Variants in CFAP52 observed in about 807,000 individuals in gnomAD.
The protein encoded by CFAP52 is cilia- and flagella-associated protein 52.
In CFAP52, 57 loss-of-function variants were observed where a neutral mutation model predicts 70.5. That is an observed-to-expected ratio of 0.81 (90% CI 0.65 to 1.01). The LOEUF is 1.01. CFAP52 is among the 50% of genes least tolerant of loss of function. The probability of loss-of-function intolerance (pLI) is 0.00; values close to 1 mark genes in which losing one functional copy is unlikely to be tolerated. For synonymous variants in CFAP52, 267 were observed against 292.5 expected (o/e 0.91, Z 0.89); for missense variants, 785 against 788.5 (o/e 1.00, Z 0.05).
chr17:9,584,283 A>G, intron 1 of CFAP52: 1 of 1,287,446 alleles, frequency 7.8e-7, no homozygotes, highest in Non-Finnish European at 1.0e-6. Context: ...TGGAAGCAGT[A>G]GTGTTACCTT....
At chr17:9,616,270 C>T (rs1440661116) in intron 8 of CFAP52, among the ~76,000 whole-genome samples, 1 of 144,044 alleles carries the variant, frequency 6.9e-6, no homozygotes, top group Non-Finnish European at 1.5e-5. Context: ...CACTCCCACC[C>T]GAATATTGCG....
At chr17:9,577,506 A>T (rs1908016759) in intron 1 of CFAP52, among the ~76,000 whole-genome samples, 1 of 152,190 alleles carries the variant, frequency 6.6e-6, no homozygotes, top group Non-Finnish European at 1.5e-5. Context: ...AAAACAATGA[A>T]TTAGATTTTA....
intron 6 of CFAP52, among the ~76,000 whole-genome samples, chr17:9,606,613 C>A (rs1359886477): frequency 6.6e-6 from 1 of 152,160 alleles, no homozygotes; most frequent in East Asian, 1.9e-4. Flanking sequence ...AGATTTCAAC[C>A]CAGGCCGACT....
chr17:9,627,040 T>G (rs1170632102), intron 8 of CFAP52, among the ~76,000 whole-genome samples: 1 of 152,138 alleles, frequency 6.6e-6, no homozygotes, highest in East Asian at 1.9e-4. Flanking sequence ...TATTACTTCT[T>G]CTTATTATTT....
At chr17:9,631,580 G>A (rs76785413) in intron 9 of CFAP52, among the ~76,000 whole-genome samples, 2,476 of 152,172 alleles carry the variant, frequency 0.016, 73 homozygotes, top group African/African-American at 0.056. Flanking sequence ...TGGATTTGAG[G>A]AATAGCAAGA....
rs751937898 is a variant in CFAP52, at chr17:9,638,645, C to T, written c.1509C>T (p.Thr503=). The T allele has an allele frequency of 1.9e-5, 30 of 1,614,080 alleles. No homozygotes were observed. The highest frequency in any genetic ancestry group is 2.5e-5 in the Non-Finnish European group (29 of 1,180,040). Residue 503 remains threonine, a synonymous_variant, in exon 12 of 14, where the codon ACC becomes ACT. Coordinates refer to ENST00000352665, the MANE Select transcript of CFAP52 (RefSeq NM_145054.5). ...GGAATCAGATGATACTAGCCAACAC[C>T]TTATTCCAGTGTGTGTGCTATCACC... ...LRRNQMILAN[T]LFQCVCYHPE... is the part of the protein sequence containing the mutation.
intron 6 of CFAP52, among the ~76,000 whole-genome samples, chr17:9,606,081 G>A (rs555981961): frequency 6.6e-6 from 1 of 151,940 alleles, no homozygotes; most frequent in Non-Finnish European, 1.5e-5. Context: ...AAAAAAAATA[G>A]CCTAGTAAAA....
chr17:9,635,315 A>G (rs1910722523), intron 10 of CFAP52, 90 bp from the exon 11 acceptor site: 6 of 1,548,380 alleles, frequency 3.9e-6, no homozygotes, highest in Non-Finnish European at 4.4e-6. Context: ...CAAATCAAGC[A>G]TAGCAAAGGG....
At chr17:9,629,957 C>A (rs1284214993) in intron 9 of CFAP52, among the ~76,000 whole-genome samples, 1 of 151,914 alleles carries the variant, frequency 6.6e-6, no homozygotes, top group African/African-American at 2.4e-5. Flanking sequence ...CTGCGCATGT[C>A]TTCTCCACAT....
At chr17:9,641,335 G>A (rs1311956675) in intron 12 of CFAP52, among the ~76,000 whole-genome samples, 1 of 152,142 alleles carries the variant, frequency 6.6e-6, no homozygotes, top group Non-Finnish European at 1.5e-5. Flanking sequence ...TCTGGGGAGT[G>A]GGGAGTGCTC....
chr17:9,596,039 A>T (rs903551897), intron 4 of CFAP52, among the ~76,000 whole-genome samples: 2 of 134,072 alleles, frequency 1.5e-5, no homozygotes, highest in African/African-American at 5.4e-5. Flanking sequence ...ATGTATATGT[A>T]TGTAGATATA....
At chr17:9,645,490 T>G, downstream of CFAP52, 1 of 814,312 alleles carries the variant, frequency 1.2e-6, no homozygotes, top group Non-Finnish European at 1.6e-6. This position sits in a 1 kb window ranked among gnomAD's most constrained non-coding sequence, Gnocchi z 6.8. Flanking sequence ...TGCCCCGCCC[T>G]TGGCTCCGCC....
intron 8 of CFAP52, among the ~76,000 whole-genome samples, chr17:9,625,340 T>A (rs915631688): frequency 3.9e-5 from 6 of 152,170 alleles, no homozygotes; most frequent in African/African-American, 1.4e-4. Flanking sequence ...CATCTTATTC[T>A]TGTGGTTCTC....
chr17:9,585,218 C>G (rs993618322), intron 1 of CFAP52, among the ~76,000 whole-genome samples: 4 of 152,104 alleles, frequency 2.6e-5, no homozygotes, highest in African/African-American at 9.7e-5. Context: ...AATCTCAACC[C>G]CTTCTCAGAC....
intron 8 of CFAP52, among the ~76,000 whole-genome samples, chr17:9,622,841 C>T (rs1194644877): frequency 6.6e-6 from 1 of 152,126 alleles, no homozygotes; most frequent in African/African-American, 2.4e-5. Flanking sequence ...CCAATCACTA[C>T]CCTCACCCTC....
chr17:9,584,158 T>C, intron 1 of CFAP52: 2 of 1,193,762 alleles, frequency 1.7e-6, no homozygotes, highest in Non-Finnish European at 2.1e-6. Context: ...TTGGTCATTG[T>C]ATTTTCTTTT....
At chr17:9,586,638 C>G in intron 2 of CFAP52, 60 bp from the exon 3 acceptor site, 1 of 1,499,674 alleles carries the variant, frequency 6.7e-7, no homozygotes, top group Non-Finnish European at 8.9e-7. Context: ...AGAAGGGTAG[C>G]TATCTCCTCA....
intron 10 of CFAP52, among the ~76,000 whole-genome samples, chr17:9,634,896 T>C (rs766593871): frequency 6.6e-6 from 1 of 152,232 alleles, no homozygotes; most frequent in Non-Finnish European, 1.5e-5. Context: ...TCCAGGATAA[T>C]ACACAGGTAT....
At chr17:9,633,321 C>T (rs113468616) in intron 10 of CFAP52, among the ~76,000 whole-genome samples, 2,415 of 152,262 alleles carry the variant, frequency 0.016, 76 homozygotes, top group African/African-American at 0.055. Flanking sequence ...TCTCCTGCCT[C>T]AGCCTCCTGA....
Sources: gnomAD v4.1 joint callset for allele counts (sites outside exome capture counted in the v4.1 genomes callset) on GRCh38, gnomAD v4.1.1 for gene constraint, Gnocchi (gnomAD v3.1) non-coding constraint, MANE v1.5 for transcripts, NCBI Gene and HGNC (gene_info 2026-07-23, HGNC 2026-07-21) for gene names.